The following MALRD1 variants were observed in gnomAD, a reference collection of about 807,000 sequenced individuals.
MALRD1 encodes MAM and LDL-receptor class A domain-containing protein 1.
In MALRD1, 247 loss-of-function variants were observed where a neutral mutation model predicts 242.1. The observed-to-expected ratio is 1.02, with a 90% CI of 0.92 to 1.13. The LOEUF is 1.13. MALRD1 is among the 50% of genes most tolerant of loss of function. The pLI is 0.00. For missense variants in MALRD1, 2,989 were observed against 2,533.1 expected, an observed-to-expected ratio of 1.18 and a Z score of -3.86; for synonymous variants, 995 against 866.6, an observed-to-expected ratio of 1.15 and a Z score of -2.60.
chr10:19,384,518 T>G (rs1274979554), intron 26 of MALRD1, among the ~76,000 whole-genome samples: 1 of 118,222 alleles, frequency 8.5e-6, no homozygotes, highest in East Asian at 2.1e-4. Flanking sequence ...TATTATATAT[T>G]ATATAGTGTA....
At chr10:19,131,333 C>T (rs1211922124) in intron 8 of MALRD1, among the ~76,000 whole-genome samples, 1 of 152,022 alleles carries the variant, frequency 6.6e-6, no homozygotes, top group African/African-American at 2.4e-5. Context: ...TTCTTTATTT[C>T]CAGAGGACAT....
At chr10:19,119,384 G>C (rs987355181) in intron 5 of MALRD1, among the ~76,000 whole-genome samples, 2 of 152,156 alleles carry the variant, frequency 1.3e-5, no homozygotes, top group Admixed American at 1.3e-4. Context: ...GGCTATGTGG[G>C]AGACTGGAGT....
At chr10:19,500,502 A>G (rs79440802) in intron 31 of MALRD1, among the ~76,000 whole-genome samples, 1 of 152,374 alleles carries the variant, frequency 6.6e-6, no homozygotes, top group East Asian at 1.9e-4. Flanking sequence ...AATCTAGATA[A>G]AGACTTAAAT....
At chr10:19,355,486 G>A (rs1588957848) in intron 26 of MALRD1, among the ~76,000 whole-genome samples, 1 of 151,450 alleles carries the variant, frequency 6.6e-6, no homozygotes, top group South Asian at 2.1e-4. Context: ...TTGTGGGAAT[G>A]TCTGCAGTAG....
intron 29 of MALRD1, among the ~76,000 whole-genome samples, chr10:19,457,598 G>T (rs1255271673): frequency 6.6e-6 from 1 of 151,618 alleles, no homozygotes; most frequent in African/African-American, 2.4e-5. Context: ...AACTAAGACC[G>T]GGCTGTTCTA....
At chr10:19,423,048 G>A (rs1361852193) in intron 28 of MALRD1, among the ~76,000 whole-genome samples, 1 of 152,150 alleles carries the variant, frequency 6.6e-6, no homozygotes, top group East Asian at 1.9e-4. Flanking sequence ...ATGCTGTCAG[G>A]TTGGAGGATG....
intron 2 of MALRD1, among the ~76,000 whole-genome samples, chr10:19,085,649 GTTT>G (rs1233609186): frequency 1.3e-5 from 2 of 151,686 alleles, no homozygotes; most frequent in Non-Finnish European, 2.9e-5. Context: ...AAATGACAAA[GTTT>G]TTATTTATAA....
chr10:19,606,122 TATG>T (rs1236529531), intron 34 of MALRD1, among the ~76,000 whole-genome samples: 5 of 152,108 alleles, frequency 3.3e-5, no homozygotes, highest in Admixed American at 6.6e-5. Flanking sequence ...GTCAATTACC[TATG>T]ATAAGTAAAA....
Position 19,730,693 on chromosome 10 carries a change from T to C in MALRD1, c.6315-13T>C, listed in dbSNP as rs1350924944. ...AATAGTTTTTTATTTTTGATGGCCC[T>C]GTGTGCTTTAAGGAAAACCGAGGGA... is the stretch of plus-strand genomic sequence containing the variant. On this transcript the variant is annotated splice_polypyrimidine_tract_variant and intron_variant, in intron 38 of 39. Coordinates refer to ENST00000454679, the MANE Select transcript of MALRD1 (RefSeq NM_001142308.3). The C allele has an allele frequency of 2.0e-6, 3 of 1,536,530 alleles. No individual in the cohort carries two copies. The highest frequency in any genetic ancestry group is 2.4e-5 in the East Asian group (1 of 40,898).
chr10:19,137,641 T>G (rs1278956149), intron 10 of MALRD1, among the ~76,000 whole-genome samples: 1 of 149,676 alleles, frequency 6.7e-6, no homozygotes, highest in Non-Finnish European at 1.5e-5. Flanking sequence ...AGAAATCACT[T>G]CAGCCATGAC....
At position 19,133,868 on chromosome 10, in the gene MALRD1, T is replaced by G; in HGVS notation, c.1123T>G (p.Phe375Val). 8.1e-7 allele frequency: 1 copy of G among 1,228,434 alleles called. No individual in the cohort carries two copies. 76.1% of individuals were successfully genotyped at this position (1,228,434 alleles called of 1,614,324 possible). Residue 375 changes from phenylalanine (F) to valine (V), a missense_variant, in exon 9 of 40, where the codon TTT becomes GTT. Phe to Val is a conservative substitution (Grantham distance 50). Coordinates refer to ENST00000454679, the MANE Select transcript of MALRD1 (RefSeq NM_001142308.3). ...CTTCAAATCAAAGGAAGAAGAAATA[T>G]TTTGGACATACAACATATCAACTCA... ...RLYNNKEEEI[F>V]WTYNISTHSQ...
chr10:19,646,627 T>C (rs1373362061), intron 36 of MALRD1, among the ~76,000 whole-genome samples: 1 of 151,822 alleles, frequency 6.6e-6, no homozygotes, highest in African/African-American at 2.4e-5. Flanking sequence ...AAATAATAAG[T>C]TTAAAGTAGG....
intron 29 of MALRD1, among the ~76,000 whole-genome samples, chr10:19,490,090 C>G (rs796627037): frequency 1.3e-5 from 2 of 152,142 alleles, no homozygotes; most frequent in South Asian, 2.1e-4. Flanking sequence ...ACTGGAATCA[C>G]TTTAAAAAAG....
intron 14 of MALRD1, among the ~76,000 whole-genome samples, chr10:19,192,510 A>C (rs902098540): frequency 2.0e-5 from 3 of 152,222 alleles, no homozygotes; most frequent in African/African-American, 7.2e-5. Context: ...AGCAAATAAA[A>C]CAAGGATCTC....
intron 36 of MALRD1, among the ~76,000 whole-genome samples, chr10:19,671,583 A>T (rs551452892): frequency 6.6e-6 from 1 of 151,990 alleles, no homozygotes; most frequent in East Asian, 1.9e-4. Context: ...GCACCACTGC[A>T]CTCCAGCACT....
chr10:19,173,180 A>C (rs1357307196), intron 13 of MALRD1, among the ~76,000 whole-genome samples: 1 of 152,220 alleles, frequency 6.6e-6, no homozygotes, highest in African/African-American at 2.4e-5. Context: ...TACCACATAT[A>C]CTTGGAAATC....
chr10:19,597,596 C>T (rs1838158917), intron 34 of MALRD1, among the ~76,000 whole-genome samples: 1 of 152,190 alleles, frequency 6.6e-6, no homozygotes, highest in Non-Finnish European at 1.5e-5. Context: ...CATTTATTCA[C>T]AAACCTCATT....
At chr10:19,360,298 C>G (rs1041440427) in intron 26 of MALRD1, among the ~76,000 whole-genome samples, 1 of 152,162 alleles carries the variant, frequency 6.6e-6, no homozygotes, top group East Asian at 1.9e-4. Context: ...CTTTTAATGT[C>G]TGAAAGCTCT....
At chr10:19,104,656 G>A (rs546584583) in intron 5 of MALRD1, among the ~76,000 whole-genome samples, 1 of 152,028 alleles carries the variant, frequency 6.6e-6, no homozygotes, top group East Asian at 1.9e-4. Flanking sequence ...TAATAAAAAA[G>A]AGTCAGTCAT....
Sources: gnomAD v4.1 joint callset for allele counts (sites outside exome capture counted in the v4.1 genomes callset) on GRCh38, gnomAD v4.1.1 for gene constraint, MANE v1.5 for transcripts, NCBI Gene and HGNC (gene_info 2026-07-23, HGNC 2026-07-21) for gene names.